Variants in EVC2 observed in about 807,000 individuals in gnomAD.
EVC2 encodes limbin.
A neutral mutation model predicts 149.3 loss-of-function variants in EVC2; 148 were observed. The ratio of observed to expected loss-of-function variants is 0.99; its 90% CI spans 0.87 to 1.14. The LOEUF (loss-of-function observed/expected upper bound fraction) is 1.14. EVC2 is among the 50% of genes most tolerant of loss of function. The pLI, the probability that EVC2 is intolerant of heterozygous loss-of-function variation, is 0.00. For missense variants in EVC2, 1,854 were observed against 1,627.3 expected (o/e 1.14, Z -2.40); for synonymous variants, 776 against 649.9 (o/e 1.19, Z -2.95).
At chr4:5,651,311 G>A (rs896844536) in intron 9 of EVC2, among the ~76,000 whole-genome samples, 1 of 152,090 alleles carries the variant, frequency 6.6e-6, no homozygotes, top group African/African-American at 2.4e-5. Flanking sequence ...GGGTGAATGG[G>A]CAAATTGATA....
intron 1 of EVC2, among the ~76,000 whole-genome samples, chr4:5,699,083 G>A (rs114080379): frequency 0.034 from 5,138 of 152,298 alleles, 274 homozygotes; most frequent in African/African-American, 0.11. Flanking sequence ...CTGGGCTGGA[G>A]GCTGATTTTC....
At chr4:5,656,454 G>A (rs970001592) in intron 9 of EVC2, among the ~76,000 whole-genome samples, 3 of 152,110 alleles carry the variant, frequency 2.0e-5, no homozygotes, top group South Asian at 2.1e-4. Context: ...TGTGACCTTC[G>A]AAGGGAAAAG....
At chr4:5,584,007 C>T (rs961227539) in intron 17 of EVC2, among the ~76,000 whole-genome samples, 8 of 152,008 alleles carry the variant, frequency 5.3e-5, no homozygotes, top group African/African-American at 1.2e-4. Flanking sequence ...ATTATTAACA[C>T]TGAAGTGAGA....
At chr4:5,600,420 T>C (rs1425178229) in intron 16 of EVC2, among the ~76,000 whole-genome samples, 1 of 152,216 alleles carries the variant, frequency 6.6e-6, no homozygotes, top group African/African-American at 2.4e-5. Flanking sequence ...AAGAGGTTTC[T>C]TCATTTCTAA....
chr4:5,590,848 C>T (rs1459844633), intron 16 of EVC2, among the ~76,000 whole-genome samples: 2 of 152,132 alleles, frequency 1.3e-5, no homozygotes, highest in Non-Finnish European at 1.5e-5. Flanking sequence ...GCCTCCCCAG[C>T]CCTCAGGAAA....
At chr4:5,689,431 G>C in intron 4 of EVC2, 88 bp from the exon 5 acceptor site, 1 of 1,342,028 alleles carries the variant, frequency 7.5e-7, no homozygotes, top group South Asian at 1.2e-5. Flanking sequence ...GTGCACATTA[G>C]GCATCCAGGA....
At chr4:5,561,349 G>A (rs1457778405), downstream of EVC2, among the ~76,000 whole-genome samples, 1 of 152,174 alleles carries the variant, frequency 6.6e-6, no homozygotes, top group East Asian at 1.9e-4. Context: ...TGTCCTGTGT[G>A]TAAAAATCAC....
At chr4:5,617,804 A>C (rs1307232740) in intron 15 of EVC2, among the ~76,000 whole-genome samples, 2 of 152,186 alleles carry the variant, frequency 1.3e-5, no homozygotes, top group Non-Finnish European at 2.9e-5. Flanking sequence ...GGCAGGGATT[A>C]GGTGCAGGTG....
chr4:5,674,337 T>C (rs1040760438), intron 7 of EVC2, among the ~76,000 whole-genome samples: 1 of 152,180 alleles, frequency 6.6e-6, no homozygotes, highest in Non-Finnish European at 1.5e-5. Context: ...CTGACTGCAA[T>C]GATGTTGAGT....
intron 7 of EVC2, among the ~76,000 whole-genome samples, chr4:5,676,522 C>G (rs577162624): frequency 6.6e-6 from 1 of 152,344 alleles, no homozygotes; most frequent in Non-Finnish European, 1.5e-5. Flanking sequence ...CCGCCGCCAT[C>G]AGCCCTGCTG....
At chr4:5,639,307 A>G (rs780252196) in intron 10 of EVC2, among the ~76,000 whole-genome samples, 12 of 152,244 alleles carry the variant, frequency 7.9e-5, no homozygotes, top group Non-Finnish European at 1.3e-4. Context: ...GGTCACATGA[A>G]ATGAATAAGC....
intron 10 of EVC2, among the ~76,000 whole-genome samples, chr4:5,639,665 C>A (rs1717170171): frequency 6.6e-6 from 1 of 152,202 alleles, no homozygotes; most frequent in Non-Finnish European, 1.5e-5. Context: ...GACTCTAGAG[C>A]CTGTGCTGGA....
the EVC2 span, among the ~76,000 whole-genome samples, chr4:5,534,705 T>G: frequency 1.3e-4 from 19 of 151,958 alleles, no homozygotes; most frequent in Non-Finnish European, 5.9e-5. Context: ...GCAATTGCGT[T>G]GAGTGATGGA....
In EVC2 at chr4:5,667,873, T is replaced by C. The variant is rs562296254; in HGVS notation, c.871-2224A>G. On this transcript the variant is annotated intron_variant, in intron 7 of 21. Transcript: ENST00000344408. ...GGTAATCAGCATAAACTATACTACA[T>C]GTAAAAAACAGTTCAGGCACAGGGA... Among the ~76,000 whole-genome samples the C allele has an allele frequency of 2.5e-4, 38 of 152,324 alleles. No homozygotes were observed. In the South Asian group the frequency reaches 6.2e-3, roughly 25 times the overall value.
Position 5,645,773 on chromosome 4 carries a change from T to C in EVC2, c.1146-4935A>G, listed in dbSNP as rs139551267. 1.2e-4 allele frequency among the ~76,000 whole-genome samples: 18 copies of C among 152,328 alleles called. No homozygotes were observed. In the East Asian group the frequency reaches 3.5e-3, roughly 29 times the overall value. ...AATGATTTATAGTCCTTTGGGTATA[T>C]ACTCAGTAATGGGATTGCTGGGTTG... is the stretch of plus-strand genomic sequence containing the variant. On this transcript the variant is annotated intron_variant, in intron 9 of 21. Coordinates refer to ENST00000344408, the MANE Select transcript of EVC2 (RefSeq NM_147127.5).
intron 9 of EVC2, among the ~76,000 whole-genome samples, chr4:5,651,739 G>C (rs1322529526): frequency 6.6e-6 from 1 of 152,202 alleles, no homozygotes; most frequent in Non-Finnish European, 1.5e-5. Flanking sequence ...TTCTCTGCCA[G>C]GCATTCCCCA....
chr4:5,708,280 C>A lies in EVC2; in HGVS notation c.228+6G>T, dbSNP rs977753467. The A allele has an allele frequency of 4.1e-6, 6 of 1,480,088 alleles. 1 individual carries two copies. In the African/African-American group the frequency reaches 5.8e-5, roughly 14 times the overall value. 91.7% of individuals were successfully genotyped at this position (1,480,088 alleles called of 1,614,324 possible). On this transcript the variant is annotated splice_donor_region_variant and intron_variant, in intron 1 of 21. Coordinates refer to ENST00000344408, the MANE Select transcript of EVC2 (RefSeq NM_147127.5). ...AGACCGGAGCCTGGGGTCGGGCCCT[C>A]CTTACCTGCGTGCTGCTCTCGGGCC...
intron 3 of EVC2, among the ~76,000 whole-genome samples, chr4:5,692,308 G>A (rs1313337724): frequency 2.0e-5 from 3 of 152,148 alleles, no homozygotes; most frequent in Admixed American, 6.5e-5. Context: ...GATTATAAAC[G>A]TGAGCCACCA....
At chr4:5,652,303 C>T (rs4527428) in intron 9 of EVC2, among the ~76,000 whole-genome samples, 24,871 of 152,102 alleles carry the variant, frequency 0.16, 2,087 homozygotes, top group African/African-American at 0.19. Flanking sequence ...AGGATGGCAA[C>T]ACAATTCAGC....
Sources: gnomAD v4.1 joint callset for allele counts (sites outside exome capture counted in the v4.1 genomes callset) on GRCh38, gnomAD v4.1.1 for gene constraint, MANE v1.5 for transcripts, NCBI Gene and HGNC (gene_info 2026-07-23, HGNC 2026-07-21) for gene names.